STXBP5L: variants seen among roughly 807,000 people sequenced by gnomAD.
STXBP5L encodes the protein syntaxin binding protein 5L.
STXBP5L carries 65 observed loss-of-function variants against 144.5 expected under a neutral mutation model. The observed-to-expected ratio is 0.45, with a 90% confidence interval of 0.37 to 0.55. The LOEUF is 0.55. Ranked by LOEUF, STXBP5L falls within the 20% of genes least tolerant of loss-of-function variation. The pLI, the probability that STXBP5L is intolerant of heterozygous loss-of-function variation, is 0.00. For missense variants in STXBP5L, 1,298 were observed against 1,405.5 expected (o/e 0.92, Z 1.22); for synonymous variants, 505 against 469.6 (o/e 1.08, Z -0.97).
intron 9 of STXBP5L, among the ~76,000 whole-genome samples, chr3:121,160,307 T>C (rs1234333489): frequency 1.3e-5 from 2 of 152,152 alleles, no homozygotes; most frequent in Non-Finnish European, 2.9e-5. Flanking sequence ...ATCCATTACA[T>C]ATCCTATAAA....
chr3:121,069,718 T>G (rs547663325), intron 5 of STXBP5L, among the ~76,000 whole-genome samples: 1 of 152,122 alleles, frequency 6.6e-6, no homozygotes, highest in Non-Finnish European at 1.5e-5. Context: ...TTTCTAAAAG[T>G]TTTTATGGTT....
intron 5 of STXBP5L, among the ~76,000 whole-genome samples, chr3:121,087,729 G>T (rs1490585285): frequency 6.6e-6 from 1 of 151,772 alleles, no homozygotes; most frequent in Non-Finnish European, 1.5e-5. Flanking sequence ...TGTTCTATTT[G>T]TTATTGCTCT....
At chr3:121,257,029 G>GA (rs558740347) in intron 16 of STXBP5L, 132 bp from the exon 17 acceptor site, 10 of 651,814 alleles carry the variant, frequency 1.5e-5, no homozygotes, top group South Asian at 8.9e-5. Flanking sequence ...TTATTAATTT[G>GA]AAAAAAACTG....
At chr3:120,959,244 C>T (rs926434714) in intron 3 of STXBP5L, among the ~76,000 whole-genome samples, 3 of 152,064 alleles carry the variant, frequency 2.0e-5, no homozygotes, top group Non-Finnish European at 4.4e-5. Context: ...GCTCAATGAA[C>T]TTAAAGAGGA....
At chr3:121,373,532 C>T (rs1372159648) in intron 20 of STXBP5L, among the ~76,000 whole-genome samples, 1 of 152,186 alleles carries the variant, frequency 6.6e-6, no homozygotes, top group East Asian at 1.9e-4. Context: ...CCCTCCACAT[C>T]CACCCAGAAG....
chr3:121,071,189 C>T (rs1268446246), intron 5 of STXBP5L, among the ~76,000 whole-genome samples: 1 of 152,182 alleles, frequency 6.6e-6, no homozygotes, highest in African/African-American at 2.4e-5. Context: ...ATACTATGCA[C>T]AGGCACCCTT....
intron 18 of STXBP5L, among the ~76,000 whole-genome samples, chr3:121,259,717 T>C (rs2050324698): frequency 1.3e-5 from 2 of 152,240 alleles, no homozygotes; most frequent in South Asian, 4.1e-4. Context: ...CTTCCATATT[T>C]GGTATCTAGT....
chr3:121,039,594 AC>A (rs1471538980), intron 3 of STXBP5L, among the ~76,000 whole-genome samples: 1 of 151,724 alleles, frequency 6.6e-6, no homozygotes, highest in Non-Finnish European at 1.5e-5. Flanking sequence ...TTGCCTGAAG[AC>A]CCTCTTTCAC....
intron 18 of STXBP5L, among the ~76,000 whole-genome samples, chr3:121,264,985 A>G (rs756690020): frequency 1.3e-5 from 2 of 152,182 alleles, no homozygotes; most frequent in East Asian, 3.8e-4. Flanking sequence ...GCAAGTTCTT[A>G]GAGACAGACA....
At chr3:121,155,773 T>G (rs2046091948) in intron 8 of STXBP5L, among the ~76,000 whole-genome samples, 2 of 151,932 alleles carry the variant, frequency 1.3e-5, no homozygotes, top group African/African-American at 4.8e-5. Context: ...TTTACATGCT[T>G]GCTTTTCTAA....
intron 22 of STXBP5L, among the ~76,000 whole-genome samples, chr3:121,390,826 T>A (rs1033503679): frequency 6.6e-5 from 10 of 152,080 alleles, no homozygotes; most frequent in Admixed American, 6.5e-4. Context: ...ATTTTTTCCT[T>A]CATTTCAACC....
intron 6 of STXBP5L, among the ~76,000 whole-genome samples, chr3:121,119,729 A>G (rs1219140719): frequency 6.6e-6 from 1 of 151,382 alleles, no homozygotes; most frequent in African/African-American, 2.4e-5. Flanking sequence ...GGAACAAGCC[A>G]GAAGAAATAC....
chr3:121,218,045 C>T, intron 10 of STXBP5L, among the ~76,000 whole-genome samples: 1 of 140,736 alleles, frequency 7.1e-6, no homozygotes, highest in South Asian at 2.2e-4. Flanking sequence ...ATATAATATA[C>T]TATATATAAT....
intron 3 of STXBP5L, among the ~76,000 whole-genome samples, chr3:120,998,004 C>T (rs1943484357): frequency 1.3e-5 from 2 of 152,150 alleles, no homozygotes; most frequent in Admixed American, 1.3e-4. Flanking sequence ...TCAATAGTTG[C>T]AGATAAAGCT....
intron 5 of STXBP5L, 96 bp from the exon 6 acceptor site, chr3:121,114,829 T>C (rs2044160892): frequency 1.4e-6 from 1 of 733,360 alleles, no homozygotes; most frequent in Admixed American, 3.8e-5. Flanking sequence ...CATTTTATTA[T>C]TTATATAGCT....
intron 3 of STXBP5L, among the ~76,000 whole-genome samples, chr3:121,019,002 C>T (rs542931373): frequency 5.3e-5 from 8 of 152,236 alleles, no homozygotes; most frequent in Admixed American, 3.9e-4. Context: ...CACCGGCTGC[C>T]GGGAAATAAA....
intron 5 of STXBP5L, among the ~76,000 whole-genome samples, chr3:121,085,280 A>C (rs1192989279): frequency 6.6e-6 from 1 of 152,064 alleles, no homozygotes; most frequent in Non-Finnish European, 1.5e-5. Flanking sequence ...TTTTGTCATG[A>C]AATCTTTGCC....
At position 121,033,685 on chromosome 3, in the gene STXBP5L, A is replaced by G. The variant is rs560332736; in HGVS notation, c.288-8015A>G. 5.9e-5 allele frequency among the ~76,000 whole-genome samples: 9 copies of G among 151,974 alleles called. No homozygotes were observed. The South Asian group carries it at 1.0e-3, about 18-fold the overall frequency. On this transcript the variant is annotated intron_variant, in intron 3 of 26. Coordinates refer to ENST00000471454, the MANE Select transcript of STXBP5L (RefSeq NM_001308330.2). Reference sequence around the variant, plus strand: ...ACATTACCAAGTAGTCTGTAATTGTATTTGTAATTTTAGCATTAACTGCTA... The same window carrying G: ...ACATTACCAAGTAGTCTGTAATTGTGTTTGTAATTTTAGCATTAACTGCTA...
At chr3:121,117,030 A>G (rs943371234) in intron 6 of STXBP5L, among the ~76,000 whole-genome samples, 1 of 151,928 alleles carries the variant, frequency 6.6e-6, no homozygotes, top group African/African-American at 2.4e-5. Flanking sequence ...TGCTGTTCTT[A>G]TATTCATTTA....
Sources: gnomAD v4.1 joint callset for allele counts (sites outside exome capture counted in the v4.1 genomes callset) on GRCh38, gnomAD v4.1.1 for gene constraint, MANE v1.5 for transcripts, NCBI Gene and HGNC (gene_info 2026-07-23, HGNC 2026-07-21) for gene names.